STK4: variants seen among roughly 807,000 people sequenced by gnomAD.
The protein encoded by STK4 is serine/threonine-protein kinase 4.
Under a neutral mutation model 64.9 loss-of-function variants are expected in STK4, and 30 were observed. That is an observed-to-expected ratio of 0.46 (90% CI 0.35 to 0.63). The LOEUF (loss-of-function observed/expected upper bound fraction) is 0.63. Among genes scored for constraint, STK4 ranks in the 20% least tolerant of loss-of-function variants. The pLI is 0.01. For missense variants in STK4, 466 were observed against 598.5 expected, an observed-to-expected ratio of 0.78 and a Z score of 2.31; for synonymous variants, 177 against 199.0, an observed-to-expected ratio of 0.89 and a Z score of 0.93.
At chr20:45,073,199 G>A (rs1367221957) in intron 10 of STK4, among the ~76,000 whole-genome samples, 2 of 152,104 alleles carry the variant, frequency 1.3e-5, no homozygotes, top group Non-Finnish European at 2.9e-5. Context: ...TATTAGGGGT[G>A]TCCTTGGGCC....
chr20:45,043,013 AC>A lies in STK4; in HGVS notation c.1305+17886del, dbSNP rs1181449098. Among the ~76,000 whole-genome samples the A allele has an allele frequency of 2.6e-5, 4 of 151,452 alleles. No homozygotes were observed. In the East Asian group the frequency reaches 5.8e-4, roughly 22 times the overall value. ...ATGCTCTCCCTCCTCCCAAGCCCCC[AC>A]CCTCTGACAGGCCCCAGTGTGTGTT... On this transcript the variant is annotated intron_variant, in intron 10 of 10. Transcript: ENST00000372806.
intron 9 of STK4, among the ~76,000 whole-genome samples, chr20:45,016,438 C>G (rs1466327747): frequency 6.6e-6 from 1 of 152,160 alleles, no homozygotes. Flanking sequence ...CATCTTGGTA[C>G]TTAGGTTTTT....
chr20:44,987,865 C>A (rs1365005353), intron 5 of STK4, among the ~76,000 whole-genome samples: 1 of 151,582 alleles, frequency 6.6e-6, no homozygotes, highest in Non-Finnish European at 1.5e-5. Context: ...TAGTTTTAGG[C>A]AGGTATACTC....
intron 6 of STK4, 79 bp downstream of exon 6, chr20:44,995,336 T>C: frequency 6.6e-7 from 1 of 1,506,118 alleles, no homozygotes; most frequent in South Asian, 1.3e-5. Flanking sequence ...CCAGGTGTTG[T>C]GGCTCACACG....
At chr20:45,019,103 T>G (rs1343891426) in intron 9 of STK4, among the ~76,000 whole-genome samples, 2 of 152,170 alleles carry the variant, frequency 1.3e-5, no homozygotes, top group Non-Finnish European at 2.9e-5. Context: ...TTCAGTGTTT[T>G]TTTAGGATAT....
chr20:45,017,087 T>A (rs2068155938), intron 9 of STK4, among the ~76,000 whole-genome samples: 1 of 152,264 alleles, frequency 6.6e-6, no homozygotes, highest in African/African-American at 2.4e-5. Flanking sequence ...TTGTTTATAA[T>A]GAATATTTAA....
intron 9 of STK4, among the ~76,000 whole-genome samples, chr20:45,017,872 G>T (rs1172160299): frequency 2.0e-5 from 3 of 152,186 alleles, no homozygotes; most frequent in Non-Finnish European, 1.5e-5. Flanking sequence ...CAGAAATTAA[G>T]TCCATTCATA....
chr20:44,987,321 G>A, intron 5 of STK4, 25 bp downstream of exon 5: 1 of 1,585,928 alleles, frequency 6.3e-7, no homozygotes, highest in Non-Finnish European at 8.5e-7. Context: ...TACTTGTATT[G>A]ATAATTTTCA....
In STK4 at chr20:45,075,985, G is replaced by A. The variant is rs1239978975; in HGVS notation, c.*809G>A. 1 of 152,652 alleles carries A rather than the reference G, an allele frequency of 6.6e-6. No homozygotes were observed. The highest frequency in any genetic ancestry group is 6.5e-5 in the Admixed American group (1 of 15,278). The allele number at this position is 152,652 out of a possible 1,614,324, so 9.5% of individuals were successfully genotyped here. A position where few individuals can be genotyped will look rare whatever the true frequency, so the allele number is the denominator to read the frequency against. On this transcript the variant is annotated 3_prime_UTR_variant, in exon 11 of 11. Coordinates refer to ENST00000372806, the MANE Select transcript of STK4 (RefSeq NM_006282.5). ...GATACTGCCCAGTGCCTTAAGAGGA[G>A]ACATGATCTCTACCAGGGACTCTCA...
At chr20:45,044,471 C>T (rs1423567697) in intron 10 of STK4, among the ~76,000 whole-genome samples, 7 of 152,086 alleles carry the variant, frequency 4.6e-5, no homozygotes, top group Non-Finnish European at 8.8e-5. Context: ...CATAGTGAGA[C>T]CCCATCTCTA....
Position 45,075,163 on chromosome 20 carries a change from A to C in STK4, c.1451A>C (p.Gln484Pro). ...GCCATAGAGGCTAAGAAGAGACGGC[A>C]ACAAAACTTCTGAGCAAGGCCAGGC... ...LDAIEAKKRR[Q>P]QNF The change falls in exon 11 of 11, where the codon CAA becomes CCA. Residue 484 changes from glutamine to proline, a missense_variant. Physicochemically the swap from Gln to Pro is moderately conservative, Grantham distance 76. Around this residue, in one of 2 missense-constraint regions of STK4, gnomAD observed 276 missense variants for 308.9 expected, o/e 0.89. Coordinates refer to ENST00000372806, the MANE Select transcript of STK4 (RefSeq NM_006282.5). The C allele has an allele frequency of 6.2e-7, 1 of 1,613,888 alleles. No homozygotes were observed. Among genetic ancestry groups the C allele is most frequent in the Non-Finnish European group, 8.5e-7 (1 of 1,180,000 alleles).
At chr20:44,992,232 TG>T (rs1465966836) in intron 5 of STK4, among the ~76,000 whole-genome samples, 1 of 151,266 alleles carries the variant, frequency 6.6e-6, no homozygotes. Flanking sequence ...GGTTAATCTA[TG>T]TTTTTTTTAT....
intron 10 of STK4, among the ~76,000 whole-genome samples, chr20:45,048,383 G>T (rs1041259405): frequency 3.3e-5 from 5 of 152,198 alleles, no homozygotes; most frequent in African/African-American, 4.8e-5. Flanking sequence ...GGGAGACATG[G>T]ATGAACTACT....
intron 3 of STK4, 87 bp downstream of exon 3, chr20:44,978,658 CT>C: frequency 1.4e-6 from 2 of 1,387,932 alleles, no homozygotes; most frequent in Non-Finnish European, 1.9e-6. Context: ...GACACATTTA[CT>C]TAGATATTTT....
chr20:45,019,072 T>A (rs972818467), intron 9 of STK4, among the ~76,000 whole-genome samples: 2 of 152,144 alleles, frequency 1.3e-5, no homozygotes, highest in East Asian at 3.8e-4. Context: ...GTCATAAAAT[T>A]TGCCATTTTA....
rs2067208359 is a variant in STK4, at chr20:44,969,510, T to A, written c.36-2568T>A. 5.0e-5 allele frequency among the ~76,000 whole-genome samples: 6 copies of A among 120,834 alleles called. No homozygotes were observed. In the South Asian group the frequency reaches 1.5e-3, roughly 30 times the overall value. The allele number at this position is 120,834 out of a possible 152,430, so 79.3% of individuals were successfully genotyped here. The stretch of plus-strand genomic sequence containing the variant: ...TGTGTTCGTGAGTTTGACATTTGTG[T>A]GTGTGTGTGATTAAGTGATGACAGA... On this transcript the variant is annotated intron_variant, in intron 1 of 10. Transcript: ENST00000372806.
At chr20:45,031,356 G>A (rs2068439537) in intron 10 of STK4, among the ~76,000 whole-genome samples, 1 of 152,108 alleles carries the variant, frequency 6.6e-6, no homozygotes, top group African/African-American at 2.4e-5. Flanking sequence ...AGTCCATTGT[G>A]GCTGGAGCCG....
At chr20:44,975,372 G>A (rs745753758) in intron 2 of STK4, 24 of 984,574 alleles carry the variant, frequency 2.4e-5, no homozygotes, top group Admixed American at 6.1e-5. Context: ...CTTCATGTGA[G>A]CTATTGGAGT....
intron 1 of STK4, among the ~76,000 whole-genome samples, chr20:44,968,224 G>A (rs548823181): frequency 5.3e-5 from 8 of 151,780 alleles, no homozygotes; most frequent in Non-Finnish European, 2.9e-5. Context: ...TGCTACTTCC[G>A]CCTTCTGGGT....
Sources: allele counts gnomAD v4.1 joint callset (sites outside exome capture counted in the v4.1 genomes callset), GRCh38; gene constraint gnomAD v4.1.1; regional missense constraint gnomAD v4.1.1; transcripts MANE v1.5; gene names NCBI Gene and HGNC (gene_info 2026-07-23, HGNC 2026-07-21).